MALT1: variants seen among roughly 807,000 people sequenced by gnomAD.
MALT1 encodes MALT1 paracaspase, also known as mucosa-associated lymphoid tissue lymphoma translocation protein 1.
Under a neutral mutation model 85.5 loss-of-function variants are expected in MALT1, and 36 were observed. The ratio of observed to expected loss-of-function variants is 0.42; its 90% CI spans 0.32 to 0.56. The LOEUF (loss-of-function observed/expected upper bound fraction) is 0.56, where lower values mean the gene tolerates loss of function less well. MALT1 is among the 20% of genes least tolerant of loss of function. MALT1 has a pLI of 0.10. For synonymous variants in MALT1, 359 were observed against 361.3 expected, an observed-to-expected ratio of 0.99 and a Z score of 0.07; for missense variants, 716 against 981.6, an observed-to-expected ratio of 0.73 and a Z score of 3.62.
At chr18:58,684,654 C>G (rs1362052033) in intron 2 of MALT1, among the ~76,000 whole-genome samples, 1 of 151,606 alleles carries the variant, frequency 6.6e-6, no homozygotes, top group East Asian at 2.0e-4. Context: ...CCATGTTGAT[C>G]AGGCTGGTTT....
intron 1 of MALT1, among the ~76,000 whole-genome samples, chr18:58,680,946 A>T (rs908176098): frequency 2.4e-4 from 37 of 151,660 alleles, no homozygotes; most frequent in Non-Finnish European, 4.9e-4. Context: ...AAAAAAAAAA[A>T]AAAAAAAAAT....
chr18:58,744,037 A>C (rs1002501234), intron 14 of MALT1, among the ~76,000 whole-genome samples: 1 of 138,126 alleles, frequency 7.2e-6, no homozygotes, highest in African/African-American at 2.6e-5. Flanking sequence ...ATTGTGCTTT[A>C]TTAAAAATTC....
Position 58,747,829 on chromosome 18 carries a change from T to C in MALT1, c.2462T>C (p.Ile821Thr), listed in dbSNP as rs1317690523. The C allele has an allele frequency of 1.2e-6, 2 of 1,611,740 alleles. No homozygotes were observed. The highest frequency in any genetic ancestry group is 2.7e-5 in the African/African-American group (2 of 74,850). ...IPFSFSDRLR[I>T]SEK ...TTTAGTTTCTCTGACAGGCTCAGAA[T>C]TTCTGAAAAATGACCTCCTTGTTTT... The change falls in exon 17 of 17, where the codon ATT becomes ACT. Residue 821 changes from isoleucine (I) to threonine (T), a missense_variant. Ile to Thr is a moderately conservative substitution (Grantham distance 89). Transcript: ENST00000649217.
intron 2 of MALT1, among the ~76,000 whole-genome samples, chr18:58,688,988 C>CA (rs2054453786): frequency 6.6e-6 from 1 of 151,920 alleles, no homozygotes; most frequent in East Asian, 1.9e-4. Context: ...CCTGCCTCTA[C>CA]AAAAAATGCA....
intron 9 of MALT1, among the ~76,000 whole-genome samples, chr18:58,722,011 C>T (rs960071951): frequency 2.0e-5 from 3 of 152,110 alleles, no homozygotes; most frequent in Admixed American, 6.6e-5. Flanking sequence ...GCTACTATTA[C>T]GGGTGCTGCA....
At chr18:58,722,823 G>A (rs2055002282) in intron 9 of MALT1, among the ~76,000 whole-genome samples, 1 of 152,134 alleles carries the variant, frequency 6.6e-6, no homozygotes, top group South Asian at 2.1e-4. Context: ...GCTCTCAAAA[G>A]TGTGAATATG....
At chr18:58,679,746 A>C (rs2054292950) in intron 1 of MALT1, among the ~76,000 whole-genome samples, 1 of 152,058 alleles carries the variant, frequency 6.6e-6, no homozygotes, top group South Asian at 2.1e-4. Context: ...ATGGGGCTTC[A>C]CCATGTTGGC....
chr18:58,679,773 T>G (rs1236513572), intron 1 of MALT1, among the ~76,000 whole-genome samples: 2 of 152,114 alleles, frequency 1.3e-5, no homozygotes, highest in African/African-American at 4.8e-5. Context: ...GGTCTCAAAC[T>G]CCTGGCTTGA....
intron 8 of MALT1, among the ~76,000 whole-genome samples, chr18:58,715,614 C>T (rs897649999): frequency 2.6e-5 from 4 of 152,168 alleles, no homozygotes; most frequent in Non-Finnish European, 5.9e-5. Context: ...TAATCTCTCT[C>T]TGCCTTAATT....
intron 3 of MALT1, among the ~76,000 whole-genome samples, chr18:58,699,346 G>A (rs1027367308): frequency 6.6e-6 from 1 of 152,178 alleles, no homozygotes; most frequent in Non-Finnish European, 1.5e-5. Flanking sequence ...CACTTAGGAC[G>A]ATATAGTAGG....
chr18:58,714,501 T>G (rs960020726), intron 8 of MALT1, among the ~76,000 whole-genome samples: 1 of 152,150 alleles, frequency 6.6e-6, no homozygotes, highest in Non-Finnish European at 1.5e-5. Context: ...GGGACCTTTT[T>G]CTTGGTGCCT....
intron 2 of MALT1, among the ~76,000 whole-genome samples, chr18:58,686,093 T>A (rs754441317): frequency 6.6e-6 from 1 of 152,190 alleles, no homozygotes; most frequent in Non-Finnish European, 1.5e-5. Flanking sequence ...AGTGGCGCGA[T>A]CTTGGCTCAC....
intron 2 of MALT1, among the ~76,000 whole-genome samples, chr18:58,691,779 A>AG (rs2054504651): frequency 6.6e-6 from 1 of 152,134 alleles, no homozygotes; most frequent in East Asian, 1.9e-4. Context: ...AGGCTGAGGC[A>AG]GGAGAATGGC....
chr18:58,714,849 A>G (rs1377297681), intron 8 of MALT1, among the ~76,000 whole-genome samples: 1 of 152,216 alleles, frequency 6.6e-6, no homozygotes, highest in African/African-American at 2.4e-5. Flanking sequence ...GAAGGTGGTT[A>G]TGTCATTTAA....
chr18:58,744,668 C>G (rs1370750356), intron 15 of MALT1, among the ~76,000 whole-genome samples, 173 bp downstream of exon 15: 1 of 151,682 alleles, frequency 6.6e-6, no homozygotes, highest in Non-Finnish European at 1.5e-5. Flanking sequence ...GCCAAAATAC[C>G]TTAAGTTTAT....
At chr18:58,713,842 C>T (rs1375463064) in intron 7 of MALT1, among the ~76,000 whole-genome samples, 1 of 152,064 alleles carries the variant, frequency 6.6e-6, no homozygotes, top group East Asian at 1.9e-4. Flanking sequence ...ATGAAAGAGC[C>T]TAGTTTTTGT....
intron 13 of MALT1, among the ~76,000 whole-genome samples, chr18:58,739,447 A>G (rs1434435429): frequency 6.6e-6 from 1 of 152,164 alleles, no homozygotes; most frequent in Non-Finnish European, 1.5e-5. Flanking sequence ...ATTTTATGTC[A>G]ACTTTTGCCA....
chr18:58,692,848 G>A (rs2054532477), intron 2 of MALT1, among the ~76,000 whole-genome samples: 1 of 152,188 alleles, frequency 6.6e-6, no homozygotes, highest in African/African-American at 2.4e-5. Context: ...ACACACGAAT[G>A]ATAAGAAAGC....
intron 10 of MALT1, among the ~76,000 whole-genome samples, chr18:58,723,917 CATTTATTTGGTG>C (rs1372270065): frequency 6.6e-6 from 1 of 152,130 alleles, no homozygotes; most frequent in African/African-American, 2.4e-5. Flanking sequence ...ACTAGCTAAT[CATTTATTTGGTG>C]ATTTATTTCT....
Sources: gnomAD v4.1 joint callset for allele counts (sites outside exome capture counted in the v4.1 genomes callset) on GRCh38, gnomAD v4.1.1 for gene constraint, MANE v1.5 for transcripts, NCBI Gene and HGNC (gene_info 2026-07-23, HGNC 2026-07-21) for gene names.